MYO7A: variants seen among roughly 807,000 people sequenced by gnomAD.
MYO7A encodes myosin VIIA.
MYO7A carries 210 observed loss-of-function variants against 263.8 expected under a neutral mutation model. That is an observed-to-expected ratio of 0.80 (90% CI 0.71 to 0.89). The LOEUF is 0.89. MYO7A is among the 40% of genes least tolerant of loss of function. The pLI is 0.00. For synonymous variants in MYO7A, 1,239 were observed against 1,197.3 expected (o/e 1.03, Z -0.72); for missense variants, 2,820 against 2,968.3 (o/e 0.95, Z 1.16).
At chr11:77,132,927 C>T (rs972618176) in intron 2 of MYO7A, among the ~76,000 whole-genome samples, 10 of 152,190 alleles carry the variant, frequency 6.6e-5, no homozygotes, top group South Asian at 2.1e-4. Flanking sequence ...CAGAGCGGGT[C>T]GGCTCCCGGG....
At position 77,204,636 on chromosome 11, in the gene MYO7A, G is replaced by A. The variant is rs1957311386; in HGVS notation, c.5480+407G>A. On this transcript the variant is annotated intron_variant, in intron 39 of 48. Coordinates refer to ENST00000409709, the MANE Select transcript of MYO7A (RefSeq NM_000260.4). ...AAAACTCTCATGGGTTTGAGTGTTGGTCCCAATGCCCAAAGGGTGCCACCT... is the reference window on the plus strand; with the variant it reads ...AAAACTCTCATGGGTTTGAGTGTTGATCCCAATGCCCAAAGGGTGCCACCT... Among the ~76,000 whole-genome samples, 5 of 152,164 alleles carry A rather than the reference G, an allele frequency of 3.3e-5. No homozygotes were observed. The South Asian group carries it at 8.3e-4, about 25-fold the overall frequency.
At chr11:77,151,611 C>T (rs561625350) in intron 4 of MYO7A, among the ~76,000 whole-genome samples, 9 of 152,300 alleles carry the variant, frequency 5.9e-5, no homozygotes, top group Non-Finnish European at 1.3e-4. Flanking sequence ...GAATAGTCCT[C>T]CTCTCTCCCC....
rs782369998 is a variant in MYO7A, at chr11:77,172,772, C to A, written c.1822C>A (p.Pro608Thr). ...GGGCGCCGAGACCAGGAAGCGCTCGCCCACACTTAGCAGCCAGTTCAAGCG... is the reference window on the plus strand; with the variant it reads ...GGGCGCCGAGACCAGGAAGCGCTCGACCACACTTAGCAGCCAGTTCAAGCG... The part of the protein sequence containing the change: ...AMGAETRKRS[P>T]TLSSQFKRSL... The change falls in exon 16 of 49, where the codon CCC becomes ACC. Residue 608 changes from proline to threonine, a missense_variant. Physicochemically the swap from Pro to Thr is conservative, Grantham distance 38. Coordinates refer to ENST00000409709, the MANE Select transcript of MYO7A (RefSeq NM_000260.4). 3.8e-6 allele frequency: 6 copies of A among 1,559,474 alleles called. No individual in the cohort carries two copies. The highest frequency in any genetic ancestry group is 4.3e-6 in the Non-Finnish European group (5 of 1,152,248).
At chr11:77,165,409 A>T (rs1383204090) in intron 14 of MYO7A, among the ~76,000 whole-genome samples, 5 of 151,964 alleles carry the variant, frequency 3.3e-5, no homozygotes, top group Non-Finnish European at 7.4e-5. Context: ...GGTGCAGGGG[A>T]ATCTCCCTAG....
chr11:77,203,013 G>C (rs771320202), intron 37 of MYO7A, 47 bp from the exon 38 acceptor site: 15 of 1,538,394 alleles, frequency 9.8e-6, no homozygotes, highest in Non-Finnish European at 1.3e-5. Context: ...TTTCTCCCCG[G>C]GGCTGCCAGC....
At chr11:77,211,042 A>C in intron 44 of MYO7A, 110 bp from the exon 45 acceptor site, 1 of 1,013,826 alleles carries the variant, frequency 9.9e-7, no homozygotes, top group Non-Finnish European at 1.4e-6. Context: ...GGGTGGGCCC[A>C]TGTGCGGGGT....
rs530884725 is a variant in MYO7A at position 77,177,256 on chromosome 11, A to T, written c.2188-293A>T. Reference sequence around the variant, plus strand: ...AGCAGGGGGCTTGGGCAGATTGACGATAGGGAAGAAGCTGGTGTGTGTGCA... The same window carrying T: ...AGCAGGGGGCTTGGGCAGATTGACGTTAGGGAAGAAGCTGGTGTGTGTGCA... On this transcript the variant is annotated intron_variant, in intron 18 of 48. Coordinates refer to ENST00000409709, the MANE Select transcript of MYO7A (RefSeq NM_000260.4). 7.2e-5 allele frequency among the ~76,000 whole-genome samples: 11 copies of T among 152,272 alleles called. No individual in the cohort carries two copies. In the South Asian group the frequency reaches 2.3e-3, roughly 32 times the overall value.
chr11:77,157,291 A>G lies in MYO7A; in HGVS notation c.748A>G (p.Arg250Gly), dbSNP rs782112637. ...SRVCRQALDE[R>G]NYHVFYCMLE... ...CCCACATTTTCAGGCCCTGGATGAA[A>G]GGAACTACCACGTGTTCTACTGCAT... Residue 250 changes from arginine (R) to glycine (G), a missense_variant, in exon 8 of 49, where the codon AGG becomes GGG. Arg to Gly is a moderately radical substitution (Grantham distance 125). Transcript: ENST00000409709. The G allele has an allele frequency of 6.2e-7, 1 of 1,609,704 alleles. No homozygotes were observed. The highest frequency in any genetic ancestry group is 8.5e-7 in the Non-Finnish European group (1 of 1,178,238).
chr11:77,207,019 C>A, intron 41 of MYO7A: 1 of 355,944 alleles, frequency 2.8e-6, no homozygotes, highest in Non-Finnish European at 5.1e-6. Flanking sequence ...CTCCCTGGAC[C>A]CCTCACTGTC....
At chr11:77,195,856 T>C (rs904080487) in intron 32 of MYO7A, among the ~76,000 whole-genome samples, 7 of 152,244 alleles carry the variant, frequency 4.6e-5, no homozygotes, top group African/African-American at 1.7e-4. Context: ...ATGTATTTCC[T>C]TCTAGTTCTG....
intron 32 of MYO7A, 47 bp downstream of exon 32, chr11:77,194,571 A>G: frequency 6.6e-7 from 1 of 1,523,566 alleles, no homozygotes. Context: ...GGACCTGAAC[A>G]ACCAAGGAGG....
At chr11:77,142,420 T>A in intron 2 of MYO7A, 1 of 350,278 alleles carries the variant, frequency 2.9e-6, no homozygotes. Flanking sequence ...TGTAGATCCA[T>A]GGGGAGAGCT....
rs143033846 is a variant in MYO7A, at chr11:77,173,082, C to CG, written c.1935+203dup. ...TGCCTTGGAAAGAGCCTAGACTCTGCGGGGGGTTGCAGCAGGTTCAGATCC... is the reference window on the plus strand; with the variant it reads ...TGCCTTGGAAAGAGCCTAGACTCTGCGGGGGGGTTGCAGCAGGTTCAGATCC... On this transcript the variant is annotated intron_variant, in intron 16 of 48. Coordinates refer to ENST00000409709, the MANE Select transcript of MYO7A (RefSeq NM_000260.4). Among the ~76,000 whole-genome samples the CG allele has an allele frequency of 2.0e-5, 3 of 152,274 alleles. No homozygotes were observed. The East Asian group carries it at 5.8e-4, about 29-fold the overall frequency.
rs1405574025 is a variant in MYO7A at position 77,199,693 on chromosome 11, A to G, written c.4727A>G (p.Lys1576Arg). ...CCCAGCTTCACGCTGGCCACCATCA[A>G]GGGGGACGAATACACCTTCACCTCC... is the stretch of plus-strand genomic sequence containing the variant. ...TAPSFTLATI[K>R]GDEYTFTSSN... Residue 1576 changes from lysine (K) to arginine (R), a missense_variant, in exon 35 of 49, where the codon AAG (lysine) becomes AGG (arginine). Lys to Arg is a conservative substitution (Grantham distance 26, BLOSUM62 2). Transcript: ENST00000409709. 2 of 1,613,598 alleles carry G rather than the reference A, an allele frequency of 1.2e-6. No individual in the cohort carries two copies. The highest frequency in any genetic ancestry group is 3.3e-5 in the Admixed American group (2 of 59,976).
At chr11:77,166,860 T>C (rs911610668) in intron 15 of MYO7A, among the ~76,000 whole-genome samples, 1 of 152,270 alleles carries the variant, frequency 6.6e-6, no homozygotes, top group South Asian at 2.1e-4. Context: ...ATGGTGGATT[T>C]TGAGTGGTTT....
In MYO7A at chr11:77,155,976, A is replaced by T. The variant is rs782437933; in HGVS notation, c.355A>T (p.Ile119Phe). Residue 119 changes from isoleucine (I) to phenylalanine (F), a missense_variant, in exon 5 of 49, where the codon ATC becomes TTC. Transcript: ENST00000409709. The part of the protein sequence containing the change: ...QLLSIYSPEH[I>F]RQYTNKKIGE... ...GCTCTCCATCTACTCGCCAGAGCAC[A>T]TCCGCCAGTATACCAACAAGAAGAT... 1 of 1,613,404 alleles carries T rather than the reference A, an allele frequency of 6.2e-7. No homozygotes were observed.
At position 77,181,603 on chromosome 11, in the gene MYO7A, G is replaced by C; in HGVS notation, c.2904+14G>C. Reference sequence around the variant, plus strand: ...AGTGGCTTTGAGGTACCAGGCTAGGGACAGGGGCTCCAGAGGCCCACACAC... The same window carrying C: ...AGTGGCTTTGAGGTACCAGGCTAGGCACAGGGGCTCCAGAGGCCCACACAC... On this transcript the variant is annotated intron_variant, in intron 23 of 48. Coordinates refer to ENST00000409709, the MANE Select transcript of MYO7A (RefSeq NM_000260.4). 6.2e-7 allele frequency: 1 copy of C among 1,611,372 alleles called. No individual in the cohort carries two copies. Among genetic ancestry groups the C allele is most frequent in the Non-Finnish European group, 8.5e-7 (1 of 1,179,044 alleles).
At chr11:77,179,239 C>T (rs754620440) in intron 20 of MYO7A, 110 bp downstream of exon 20, 4 of 908,728 alleles carry the variant, frequency 4.4e-6, no homozygotes. Flanking sequence ...GCCTCGTTGG[C>T]CTCCTGCCAC....
At chr11:77,190,587 C>A in intron 29 of MYO7A, 110 bp from the exon 30 acceptor site, 2 of 1,260,828 alleles carry the variant, frequency 1.6e-6, no homozygotes, top group Non-Finnish European at 2.2e-6. Context: ...GTACTGGGGC[C>A]TGGGGTGCTG....
Sources: allele counts gnomAD v4.1 joint callset (sites outside exome capture counted in the v4.1 genomes callset), GRCh38; gene constraint gnomAD v4.1.1; transcripts MANE v1.5; gene names NCBI Gene and HGNC (gene_info 2026-07-23, HGNC 2026-07-21).